Variants in VPS13A observed in about 807,000 individuals in gnomAD.
VPS13A encodes intermembrane lipid transfer protein VPS13A.
A neutral mutation model predicts 390.9 loss-of-function variants in VPS13A; 264 were observed. The ratio of observed to expected loss-of-function variants is 0.68; its 90% CI spans 0.61 to 0.75. The LOEUF (loss-of-function observed/expected upper bound fraction) is 0.75, where lower values mean the gene tolerates loss of function less well. Ranked by LOEUF, VPS13A falls within the 30% of genes least tolerant of loss-of-function variation. The pLI is 0.00. For missense variants in VPS13A, 3,409 were observed against 3,733.9 expected, an observed-to-expected ratio of 0.91 and a Z score of 2.27; for synonymous variants, 1,231 against 1,227.1, an observed-to-expected ratio of 1.00 and a Z score of -0.07.
rs535940998 is a variant in VPS13A at position 77,323,329 on chromosome 9, G to A, written c.5991+102G>A. On this transcript the variant is annotated intron_variant, in intron 45 of 71. Coordinates refer to ENST00000360280, the MANE Select transcript of VPS13A (RefSeq NM_033305.3). ...AATTATTACTGAAAGAATATAAACCGTAACAGTAATACAGCTGATATCAAA... is the reference window on the plus strand; with the variant it reads ...AATTATTACTGAAAGAATATAAACCATAACAGTAATACAGCTGATATCAAA... The A allele has an allele frequency of 5.3e-4, 735 of 1,383,760 alleles. 10 individuals carry two copies. In the South Asian group the frequency reaches 8.1e-3, roughly 15 times the overall value. 85.7% of individuals were successfully genotyped at this position (1,383,760 alleles called of 1,614,324 possible).
At chr9:77,345,646 A>G (rs1831108712) in intron 52 of VPS13A, among the ~76,000 whole-genome samples, 1 of 152,128 alleles carries the variant, frequency 6.6e-6, no homozygotes, top group Non-Finnish European at 1.5e-5. Flanking sequence ...TCTTAGTGCC[A>G]CTACAGGTTA....
intron 69 of VPS13A, 146 bp from the exon 70 acceptor site, chr9:77,405,718 G>GTTCTT: frequency 9.2e-7 from 1 of 1,084,918 alleles, no homozygotes; most frequent in African/African-American, 1.6e-5. Flanking sequence ...TATGGTTCCA[G>GTTCTT]TTCTTTTAAA....
chr9:77,275,383 TA>T, intron 24 of VPS13A, 114 bp from the exon 25 acceptor site: 1 of 986,422 alleles, frequency 1.0e-6, no homozygotes, highest in Non-Finnish European at 1.5e-6. Context: ...CTCATGTTAA[TA>T]TTTGATATTT....
Position 77,214,354 on chromosome 9 carries a change from A to G in VPS13A, c.722A>G (p.Asn241Ser). 6.2e-7 allele frequency: 1 copy of G among 1,613,178 alleles called. No homozygotes were observed. Among genetic ancestry groups the G allele is most frequent in the Non-Finnish European group, 8.5e-7 (1 of 1,179,312 alleles). ...SLDDLKNGIVNENIVPEGYDF... is the reference protein window; with the variant it reads ...SLDDLKNGIVSENIVPEGYDF... ...GACGACTTGAAGAATGGCATTGTCAATGAAAATATTGTTCCAGAAGGTTAT... is the reference window on the plus strand; with the variant it reads ...GACGACTTGAAGAATGGCATTGTCAGTGAAAATATTGTTCCAGAAGGTTAT... Residue 241 changes from asparagine (N) to serine (S), a missense_variant, in exon 10 of 72, where the codon AAT becomes AGT. Asn to Ser is a conservative substitution (Grantham distance 46). This residue lies in a region of VPS13A where 2,717 missense variants were observed against 2,917.4 expected (regional missense o/e 0.93). Transcript: ENST00000360280.
chr9:77,189,259 C>CTT (rs1386998293), intron 1 of VPS13A, among the ~76,000 whole-genome samples: 1 of 149,868 alleles, frequency 6.7e-6, no homozygotes, highest in Non-Finnish European at 1.5e-5. Context: ...ACATTTAAGT[C>CTT]TTTAATCTAT....
Position 77,321,529 on chromosome 9 carries a change from C to T in VPS13A, c.5613C>T (p.Phe1871=), listed in dbSNP as rs139782359. Residue 1871 remains phenylalanine, a synonymous_variant, in exon 44 of 72, where the codon TTC becomes TTT. Transcript: ENST00000360280. ...CTGCCACTGGATCTTCAGCTGACTT[C>T]GTAAAGGATCTAGCACCATTTATGA... is the stretch of plus-strand genomic sequence containing the variant. The part of the protein sequence containing the change: ...TEAATGSSAD[F]VKDLAPFMIL... 1.5e-4 allele frequency: 237 copies of T among 1,613,304 alleles called. No individual in the cohort carries two copies. Among genetic ancestry groups the T allele is most frequent in the Non-Finnish European group, 1.9e-4 (225 of 1,179,590 alleles).
rs745850156 is a variant in VPS13A at position 77,220,364 on chromosome 9, C to T, written c.970C>T (p.His324Tyr). ...YRKFKPDVPL[H>Y]HHAREWWAYA... is the part of the protein sequence containing the mutation. ...GAAGTTCAAACCTGATGTGCCTCTTCACCACCATGCCAGAGAATGGTAAAT... is the reference window on the plus strand; with the variant it reads ...GAAGTTCAAACCTGATGTGCCTCTTTACCACCATGCCAGAGAATGGTAAAT... Residue 324 changes from histidine to tyrosine, a missense_variant, in exon 12 of 72, where the codon CAC becomes TAC. His to Tyr is a moderately conservative substitution (Grantham distance 83, BLOSUM62 2). Coordinates refer to ENST00000360280, the MANE Select transcript of VPS13A (RefSeq NM_033305.3). 5 of 1,609,156 alleles carry T rather than the reference C, an allele frequency of 3.1e-6. No individual in the cohort carries two copies. The highest frequency in any genetic ancestry group is 1.1e-5 in the South Asian group (1 of 90,218).
At chr9:77,272,292 T>C (rs1047482578) in intron 23 of VPS13A, among the ~76,000 whole-genome samples, 1 of 152,204 alleles carries the variant, frequency 6.6e-6, no homozygotes, top group Non-Finnish European at 1.5e-5. Context: ...TAATGTCTTA[T>C]CACCACTTTT....
chr9:77,408,429 T>A (rs1834732798), intron 71 of VPS13A, among the ~76,000 whole-genome samples: 1 of 151,802 alleles, frequency 6.6e-6, no homozygotes, highest in Non-Finnish European at 1.5e-5. Flanking sequence ...CACTGGGGAG[T>A]GTCGGAAAGT....
intron 52 of VPS13A, among the ~76,000 whole-genome samples, 186 bp downstream of exon 52, chr9:77,345,328 T>C (rs541716902): frequency 1.3e-5 from 2 of 152,346 alleles, no homozygotes; most frequent in African/African-American, 4.8e-5. Context: ...CTACAATTTA[T>C]TTTGAAATGC....
intron 21 of VPS13A, among the ~76,000 whole-genome samples, chr9:77,251,795 G>GT (rs2131270888): frequency 6.6e-6 from 1 of 152,170 alleles, no homozygotes; most frequent in Non-Finnish European, 1.5e-5. Context: ...GTGAATTTCA[G>GT]TTTTATCACT....
chr9:77,183,226 A>G (rs12553822), intron 1 of VPS13A, among the ~76,000 whole-genome samples: 29,741 of 152,212 alleles, frequency 0.2, 3,788 homozygotes, highest in East Asian at 0.4. Context: ...ACGTATAATT[A>G]ACATGCAGTA....
Position 77,353,437 on chromosome 9 carries a change from A to C in VPS13A, c.7448A>C (p.Glu2483Ala). Reference protein sequence around the residue: ...DDMMMPIDLGEKTIYLVSFFE... With the variant: ...DDMMMPIDLGAKTIYLVSFFE... The stretch of plus-strand genomic sequence containing the variant: ...ATGATGATGCCTATAGATTTGGGGG[A>C]AAAGACAATATATTTAGTTTCATTC... Residue 2483 changes from glutamate (E) to alanine (A), a missense_variant, in exon 54 of 72, where the codon GAA (glutamate) becomes GCA (alanine). Glu to Ala is a moderately radical substitution (Grantham distance 107, BLOSUM62 -1). Around this residue, in one of 5 missense-constraint regions of VPS13A, gnomAD observed 2,717 missense variants for 2,917.4 expected, o/e 0.93. Coordinates refer to ENST00000360280, the MANE Select transcript of VPS13A (RefSeq NM_033305.3). The C allele has an allele frequency of 6.2e-7, 1 of 1,600,982 alleles. No homozygotes were observed. Among genetic ancestry groups the C allele is most frequent in the South Asian group, 1.1e-5 (1 of 90,180 alleles).
At chr9:77,406,296 T>C (rs1385250475) in intron 70 of VPS13A, among the ~76,000 whole-genome samples, 2 of 152,238 alleles carry the variant, frequency 1.3e-5, no homozygotes, top group Non-Finnish European at 2.9e-5. Flanking sequence ...TGTGCTGCAG[T>C]CCATACTGCT....
chr9:77,398,353 C>G (rs1182476299), intron 68 of VPS13A, among the ~76,000 whole-genome samples: 1 of 152,090 alleles, frequency 6.6e-6, no homozygotes, highest in Non-Finnish European at 1.5e-5. Flanking sequence ...CCCAGTTTTG[C>G]AACTAACCCC....
Position 77,323,197 on chromosome 9 carries a change from T to G in VPS13A, c.5961T>G (p.Ser1987Arg). 1.2e-6 allele frequency: 2 copies of G among 1,613,446 alleles called. No individual in the cohort carries two copies. The highest frequency in any genetic ancestry group is 8.5e-7 in the Non-Finnish European group (1 of 1,179,538). ...IVCQIDTVEG[S>R]KKVTIRSPVQ... ...GTCAAATTGATACAGTAGAAGGAAGTAAGAAGGTCACAATTCGCTCCCCAG... is the reference window on the plus strand; with the variant it reads ...GTCAAATTGATACAGTAGAAGGAAGGAAGAAGGTCACAATTCGCTCCCCAG... The change falls in exon 45 of 72, where the codon AGT (serine) becomes AGG (arginine). Residue 1987 changes from serine (S) to arginine (R), a missense_variant. Ser to Arg is a moderately radical substitution (Grantham distance 110). Transcript: ENST00000360280.
Position 77,407,704 on chromosome 9 carries a change from TTTTG to T in VPS13A, c.9474+109_9474+112del, listed in dbSNP as rs548926770. On this transcript the variant is annotated intron_variant, in intron 71 of 71. Coordinates refer to ENST00000360280, the MANE Select transcript of VPS13A (RefSeq NM_033305.3). ...ATGCAGATAAGTTTTGTTTGGGGGT[TTTTG>T]TTTGTTTGTTTTGCTTTTGTGTTTT... 1.0e-3 allele frequency: 997 copies of T among 983,804 alleles called. 7 individuals carry two copies. The highest frequency in any genetic ancestry group is 8.6e-4 in the South Asian group (60 of 69,724). The allele number at this position is 983,804 out of a possible 1,614,324, so 60.9% of individuals were successfully genotyped here.
intron 22 of VPS13A, among the ~76,000 whole-genome samples, chr9:77,255,481 A>G (rs1195142253): frequency 6.6e-6 from 1 of 152,084 alleles, no homozygotes; most frequent in East Asian, 1.9e-4. Context: ...TTGCATTAAT[A>G]TTTTTCAGAT....
chr9:77,322,315 T>C (rs560030776), intron 44 of VPS13A, among the ~76,000 whole-genome samples: 1 of 152,038 alleles, frequency 6.6e-6, no homozygotes, highest in African/African-American at 2.4e-5. Context: ...AGTATCATAA[T>C]ATGTAGTCAT....
Sources: allele counts gnomAD v4.1 joint callset (sites outside exome capture counted in the v4.1 genomes callset), GRCh38; gene constraint gnomAD v4.1.1; regional missense constraint gnomAD v4.1.1; transcripts MANE v1.5; gene names NCBI Gene and HGNC (gene_info 2026-07-23, HGNC 2026-07-21).